Variants in NRG3 observed in about 807,000 individuals in gnomAD.
NRG3 encodes the protein neuregulin 3.
A neutral mutation model predicts 66.9 loss-of-function variants in NRG3; 31 were observed. The ratio of observed to expected loss-of-function variants is 0.46; its 90% CI spans 0.35 to 0.63. NRG3 has a LOEUF of 0.63. Ranked by LOEUF, NRG3 falls within the 20% of genes least tolerant of loss-of-function variation. The probability of loss-of-function intolerance (pLI) is 0.00; values close to 1 mark genes in which losing one functional copy is unlikely to be tolerated. For missense variants in NRG3, 910 were observed against 878.9 expected (o/e 1.04, Z -0.45); for synonymous variants, 393 against 359.4 (o/e 1.09, Z -1.06).
chr10:82,091,846 A>G (rs762805183), intron 1 of NRG3, among the ~76,000 whole-genome samples: 5 of 152,200 alleles, frequency 3.3e-5, no homozygotes, highest in Non-Finnish European at 4.4e-5. Context: ...AATAATAACC[A>G]TCTTAATGGA....
At chr10:82,950,187 TG>T (rs1480336899) in intron 4 of NRG3, among the ~76,000 whole-genome samples, 1 of 152,168 alleles carries the variant, frequency 6.6e-6, no homozygotes, top group East Asian at 1.9e-4. Flanking sequence ...TGAGAACTAT[TG>T]TTCTATGTTA....
chr10:82,324,968 A>C (rs920057028), intron 1 of NRG3, among the ~76,000 whole-genome samples: 1 of 152,150 alleles, frequency 6.6e-6, no homozygotes, highest in African/African-American at 2.4e-5. Context: ...CTGATTTGCT[A>C]TCTTCTTGAC....
At chr10:82,871,262 T>A (rs1841311902) in intron 4 of NRG3, among the ~76,000 whole-genome samples, 1 of 145,982 alleles carries the variant, frequency 6.9e-6, no homozygotes, top group Admixed American at 7.0e-5. Context: ...AGTTCTTTGT[T>A]CTGTTCCATT....
intron 2 of NRG3, among the ~76,000 whole-genome samples, chr10:82,689,092 T>G (rs953340399): frequency 5.3e-5 from 8 of 152,142 alleles, no homozygotes; most frequent in Non-Finnish European, 1.0e-4. Flanking sequence ...TTTTTCAAAG[T>G]AAAGGAAATG....
At chr10:82,161,772 A>G (rs1259434349) in intron 1 of NRG3, among the ~76,000 whole-genome samples, 20 of 152,094 alleles carry the variant, frequency 1.3e-4, no homozygotes, top group Admixed American at 1.3e-3. Context: ...TAGGAAAGAA[A>G]GATATCAACT....
At chr10:82,205,293 T>C (rs2075059356) in intron 1 of NRG3, among the ~76,000 whole-genome samples, 1 of 152,180 alleles carries the variant, frequency 6.6e-6, no homozygotes, top group Admixed American at 6.5e-5. Context: ...AGATTTCAGT[T>C]ATGTGGTTCT....
At chr10:82,983,529 AT>A (rs1388320973) in intron 8 of NRG3, among the ~76,000 whole-genome samples, 1 of 152,204 alleles carries the variant, frequency 6.6e-6, no homozygotes, top group Non-Finnish European at 1.5e-5. Flanking sequence ...ATTGATAGTA[AT>A]TAGAATAAGA....
chr10:82,922,140 A>T (rs1474702903), intron 4 of NRG3, among the ~76,000 whole-genome samples: 1 of 151,956 alleles, frequency 6.6e-6, no homozygotes, highest in Admixed American at 6.6e-5. Context: ...GGGGAAGAGA[A>T]CCGGAAGAGG....
At chr10:82,732,113 T>A (rs1010532669) in intron 2 of NRG3, among the ~76,000 whole-genome samples, 26 of 152,288 alleles carry the variant, frequency 1.7e-4, no homozygotes, top group African/African-American at 5.8e-4. Context: ...AACATCATGT[T>A]GTACATTATA....
intron 1 of NRG3, among the ~76,000 whole-genome samples, chr10:81,895,183 A>G (rs531523749): frequency 6.6e-6 from 1 of 152,152 alleles, no homozygotes; most frequent in African/African-American, 2.4e-5. Context: ...GAAACTGATT[A>G]ATTTGATTTG....
At chr10:82,520,037 T>C (rs1846046341) in intron 2 of NRG3, among the ~76,000 whole-genome samples, 1 of 151,922 alleles carries the variant, frequency 6.6e-6, no homozygotes, top group Non-Finnish European at 1.5e-5. Context: ...TATGATGGGA[T>C]GTGTGCTATG....
chr10:82,642,892 A>G (rs1006156515), intron 2 of NRG3, among the ~76,000 whole-genome samples: 3 of 151,936 alleles, frequency 2.0e-5, no homozygotes, highest in Admixed American at 2.0e-4. Flanking sequence ...TGTATTATAC[A>G]TACACATATA....
At chr10:82,567,595 G>A (rs1158974935) in intron 2 of NRG3, among the ~76,000 whole-genome samples, 3 of 151,910 alleles carry the variant, frequency 2.0e-5, no homozygotes, top group Non-Finnish European at 4.4e-5. Context: ...GTCTCTAATA[G>A]CTCAGCTAAG....
At chr10:82,785,978 T>G (rs1325443216) in intron 3 of NRG3, among the ~76,000 whole-genome samples, 2 of 152,082 alleles carry the variant, frequency 1.3e-5, no homozygotes, top group Non-Finnish European at 2.9e-5. Context: ...GCCATGGCGA[T>G]CTACTCCTAA....
intron 1 of NRG3, among the ~76,000 whole-genome samples, chr10:82,351,107 G>T (rs939851539): frequency 2.0e-5 from 3 of 152,176 alleles, no homozygotes; most frequent in African/African-American, 7.2e-5. Context: ...TGTTAGCCAG[G>T]ATGGTCTTGA....
At chr10:81,939,794 AT>A (rs1231926558) in intron 1 of NRG3, among the ~76,000 whole-genome samples, 1 of 142,802 alleles carries the variant, frequency 7.0e-6, no homozygotes, top group Non-Finnish European at 1.5e-5. Context: ...GATCTTTATT[AT>A]TTTTTCATTC....
chr10:82,249,995 A>C (rs2077410570), intron 1 of NRG3, among the ~76,000 whole-genome samples: 1 of 152,200 alleles, frequency 6.6e-6, no homozygotes, highest in East Asian at 1.9e-4. Context: ...AAATGGTCTC[A>C]GGTGACCCGT....
intron 2 of NRG3, among the ~76,000 whole-genome samples, chr10:82,420,918 A>G (rs2089016692): frequency 6.6e-6 from 1 of 152,132 alleles, no homozygotes; most frequent in Non-Finnish European, 1.5e-5. Context: ...TTGTAATTCC[A>G]TTTATGACAT....
intron 1 of NRG3, among the ~76,000 whole-genome samples, chr10:82,292,541 C>T (rs1298667626): frequency 2.0e-5 from 3 of 152,188 alleles, no homozygotes; most frequent in African/African-American, 7.2e-5. Flanking sequence ...CTTAAATGTT[C>T]ATAGCAGCTA....
Sources: allele counts gnomAD v4.1 joint callset (sites outside exome capture counted in the v4.1 genomes callset), GRCh38; gene constraint gnomAD v4.1.1; transcripts MANE v1.5; gene names NCBI Gene and HGNC (gene_info 2026-07-23, HGNC 2026-07-21).